VSTM5: variants seen among roughly 807,000 people sequenced by gnomAD.
VSTM5 encodes the protein V-set and transmembrane domain containing 5, also known as V-set and transmembrane domain-containing protein 5.
A neutral mutation model predicts 20.3 loss-of-function variants in VSTM5; 21 were observed. The observed-to-expected ratio is 1.03, with a 90% CI of 0.73 to 1.49. The LOEUF (loss-of-function observed/expected upper bound fraction) is 1.49. VSTM5 is among the 40% of genes most tolerant of loss of function. The pLI, the probability that VSTM5 is intolerant of heterozygous loss-of-function variation, is 0.00. For synonymous variants in VSTM5, 100 were observed against 102.5 expected, an observed-to-expected ratio of 0.98 and a Z score of 0.14; for missense variants, 219 against 250.0, an observed-to-expected ratio of 0.88 and a Z score of 0.84.
At position 93,837,266 on chromosome 11, in the gene VSTM5, G is replaced by T. The variant is rs547429668; in HGVS notation, c.91+13146C>A. Among the ~76,000 whole-genome samples, 15 of 152,102 alleles carry T rather than the reference G, an allele frequency of 9.9e-5. No homozygotes were observed. The South Asian group carries it at 3.1e-3, about 32-fold the overall frequency. On this transcript the variant is annotated intron_variant, in intron 1 of 3. Transcript: ENST00000409977. ...AGGCTGGTCTCGAACTCCTGACCTC[G>T]GGTGATCTGCCCACCTTGGCCTCCC...
In VSTM5 at chr11:93,850,491, C is replaced by T; in HGVS notation, c.12G>A (p.Leu4=). 1.3e-6 allele frequency: 2 copies of T among 1,549,670 alleles called. No homozygotes were observed. Residue 4 remains leucine (L), a synonymous_variant, in exon 1 of 4, where the codon CTG becomes CTA. Transcript: ENST00000409977. MRP[L]PSGRRKTRGI... The stretch of plus-strand genomic sequence containing the variant: ...CTCGGGTCTTCCTCCTCCCGCTGGG[C>T]AGAGGCCTCATGGGCGAGCCCGGGG...
intron 1 of VSTM5, among the ~76,000 whole-genome samples, chr11:93,843,089 T>TA (rs57089036): frequency 0.032 from 4,580 of 141,822 alleles, 221 homozygotes; most frequent in African/African-American, 0.11. Flanking sequence ...ACACTCTGTC[T>TA]AAAAAAAAAA....
At position 93,818,482 on chromosome 11, in the gene VSTM5, A is replaced by C. The variant is rs1201911572; in HGVS notation, c.*2087T>G. 7.1e-6 allele frequency: 1 copy of C among 140,946 alleles called. No homozygotes were observed. Among genetic ancestry groups the C allele is most frequent in the African/African-American group, 2.6e-5 (1 of 39,166 alleles). 8.7% of individuals were successfully genotyped at this position (140,946 alleles called of 1,614,324 possible). A position where few individuals can be genotyped will look rare whatever the true frequency, so the allele number is the denominator to read the frequency against. On this transcript the variant is annotated 3_prime_UTR_variant, in exon 4 of 4. Coordinates refer to ENST00000409977, the MANE Select transcript of VSTM5 (RefSeq NM_001144871.2). ...AGGAAAGAAGCTTTTTTTAAAAAAA[A>C]CATTGTAACTTCCCACACTACTGAT...
intron 1 of VSTM5, among the ~76,000 whole-genome samples, chr11:93,836,529 C>G (rs1025570139): frequency 1.3e-5 from 2 of 152,136 alleles, no homozygotes; most frequent in African/African-American, 4.8e-5. Flanking sequence ...ACTGCAGGGA[C>G]TTAGCATAGG....
At chr11:93,822,941 G>A (rs532996139) in intron 1 of VSTM5, among the ~76,000 whole-genome samples, 11 of 152,086 alleles carry the variant, frequency 7.2e-5, no homozygotes, top group East Asian at 1.9e-4. Context: ...TAACTTCTGC[G>A]CATTTCATAT....
chr11:93,820,676 CA>C, intron 3 of VSTM5, 64 bp from the exon 4 acceptor site: 1 of 1,551,522 alleles, frequency 6.4e-7, no homozygotes, highest in Non-Finnish European at 8.7e-7. Flanking sequence ...TTCGTGAGAA[CA>C]AGATAACACA....
At chr11:93,831,975 G>T (rs1369789090) in intron 1 of VSTM5, among the ~76,000 whole-genome samples, 7 of 152,278 alleles carry the variant, frequency 4.6e-5, no homozygotes, top group Middle Eastern at 3.4e-3. Context: ...AACCTGCTTG[G>T]ATGGCATATG....
intron 1 of VSTM5, among the ~76,000 whole-genome samples, chr11:93,845,433 T>A (rs1199736852): frequency 1.3e-5 from 2 of 152,184 alleles, no homozygotes; most frequent in South Asian, 2.1e-4. Context: ...GCTGGACACA[T>A]GGACAAAAAA....
At chr11:93,834,083 T>C (rs74763943) in intron 1 of VSTM5, among the ~76,000 whole-genome samples, 6,256 of 152,162 alleles carry the variant, frequency 0.041, 395 homozygotes, top group African/African-American at 0.14. Flanking sequence ...CATATCTACC[T>C]GGTAAGGCCC....
intron 1 of VSTM5, among the ~76,000 whole-genome samples, chr11:93,845,222 G>A (rs1944404367): frequency 6.6e-6 from 1 of 152,214 alleles, no homozygotes; most frequent in Non-Finnish European, 1.5e-5. Context: ...ACAGCAGGAT[G>A]TGGGCATCTT....
Position 93,820,602 on chromosome 11 carries a change from A to G in VSTM5, c.570T>C (p.Thr190=). The change falls in exon 4 of 4, where the codon ACT becomes ACC. Residue 190 remains threonine, a synonymous_variant. Coordinates refer to ENST00000409977, the MANE Select transcript of VSTM5 (RefSeq NM_001144871.2). ...KRRHKLKEST[T]EEIELEDVEC Reference sequence around the variant, plus strand: ...CAACATCTTCCAGCTCAATCTCCTCAGTTGTGCTTTCTGTAAAGCAAAGAC... The same window carrying G: ...CAACATCTTCCAGCTCAATCTCCTCGGTTGTGCTTTCTGTAAAGCAAAGAC... 6.4e-7 allele frequency: 1 copy of G among 1,551,870 alleles called. No homozygotes were observed. The highest frequency in any genetic ancestry group is 1.2e-5 in the South Asian group (1 of 84,060).
chr11:93,836,369 A>T (rs1944322294), intron 1 of VSTM5, among the ~76,000 whole-genome samples: 1 of 152,232 alleles, frequency 6.6e-6, no homozygotes, highest in South Asian at 2.1e-4. Context: ...TCTAGGAATG[A>T]AGTCAAACCC....
At chr11:93,820,975 C>T in intron 2 of VSTM5, 22 bp downstream of exon 2, 1 of 1,550,774 alleles carries the variant, frequency 6.4e-7, no homozygotes, top group East Asian at 2.4e-5. Flanking sequence ...AGAGGGGTGC[C>T]CGGGGCCCTG....
chr11:93,844,417 T>C lies in VSTM5; in HGVS notation c.91+5995A>G, dbSNP rs115099473. Among the ~76,000 whole-genome samples the C allele has an allele frequency of 8.6e-3, 1,309 of 152,204 alleles. 18 individuals are homozygous for C. The highest frequency in any genetic ancestry group is 0.03 in the African/African-American group (1,239 of 41,520). On this transcript the variant is annotated intron_variant, in intron 1 of 3. Transcript: ENST00000409977. Reference sequence around the variant, plus strand: ...TAGTGCTGAAGGACCCACATCGCCCTTCTCCTCTGGCACTAATATAGGGGC... The same window carrying C: ...TAGTGCTGAAGGACCCACATCGCCCCTCTCCTCTGGCACTAATATAGGGGC...
intron 1 of VSTM5, among the ~76,000 whole-genome samples, chr11:93,823,053 G>A (rs1269470644): frequency 3.3e-5 from 5 of 151,936 alleles, no homozygotes; most frequent in Admixed American, 1.3e-4. Context: ...TGAGCATTTC[G>A]GTTACTTTGG....
intron 1 of VSTM5, among the ~76,000 whole-genome samples, chr11:93,823,986 C>T (rs1424104726): frequency 6.9e-6 from 1 of 145,082 alleles, no homozygotes; most frequent in African/African-American, 2.5e-5. Flanking sequence ...CGGCTCACTG[C>T]AACCTCTGCC....
chr11:93,833,342 G>T (rs1049856336), intron 1 of VSTM5, among the ~76,000 whole-genome samples: 2 of 152,198 alleles, frequency 1.3e-5, no homozygotes, highest in African/African-American at 2.4e-5. Flanking sequence ...ACTTTGGGAG[G>T]CTGAGGCAGG....
intron 1 of VSTM5, among the ~76,000 whole-genome samples, chr11:93,836,267 T>A (rs1944321521): frequency 6.6e-6 from 1 of 152,246 alleles, no homozygotes; most frequent in South Asian, 2.1e-4. Context: ...CCCGCTAACT[T>A]ACTGTCTACA....
chr11:93,839,608 A>G (rs945642351), intron 1 of VSTM5, among the ~76,000 whole-genome samples: 8 of 152,188 alleles, frequency 5.3e-5, no homozygotes, highest in Non-Finnish European at 2.9e-5. Flanking sequence ...ATAGTCCACC[A>G]GTGCCAGCTT....
Sources: allele counts gnomAD v4.1 joint callset (sites outside exome capture counted in the v4.1 genomes callset), GRCh38; gene constraint gnomAD v4.1.1; transcripts MANE v1.5; gene names NCBI Gene and HGNC (gene_info 2026-07-23, HGNC 2026-07-21).